Variants in NIN observed in about 807,000 individuals in gnomAD.
NIN encodes glycogen synthase kinase 3 beta-interacting protein.
NIN carries 137 observed loss-of-function variants against 257.6 expected under a neutral mutation model. The ratio of observed to expected loss-of-function variants is 0.53; its 90% CI spans 0.46 to 0.61. The LOEUF (loss-of-function observed/expected upper bound fraction) is 0.61. NIN is among the 20% of genes least tolerant of loss of function. The pLI is 0.00. For synonymous variants in NIN, 918 were observed against 919.8 expected, an observed-to-expected ratio of 1.00 and a Z score of 0.04; for missense variants, 2,439 against 2,501.2, an observed-to-expected ratio of 0.98 and a Z score of 0.53.
In NIN at chr14:50,757,389, C is replaced by T. The variant is rs797045743; in HGVS notation, c.3641G>A (p.Cys1214Tyr). ...QEQLMMLCADCDRASEKKQDL... is the reference protein window; with the variant it reads ...QEQLMMLCADYDRASEKKQDL... ...CTGTTTCTTTTCAGAAGCTCGATCA[C>T]AGTCCGCACATAACATCATTAGCTG... Residue 1214 changes from cysteine to tyrosine, a missense_variant, in exon 18 of 31, where the codon TGT becomes TAT. Around this residue, in one of 3 missense-constraint regions of NIN, gnomAD observed 2,043 missense variants for 2,050.2 expected, o/e 1.00. Coordinates refer to ENST00000530997, the MANE Select transcript of NIN (RefSeq NM_020921.4). The T allele has an allele frequency of 1.9e-6, 3 of 1,614,062 alleles. No homozygotes were observed. The highest frequency in any genetic ancestry group is 1.7e-6 in the Non-Finnish European group (2 of 1,180,032).
At chr14:50,814,422 G>A (rs1318611353) in intron 3 of NIN, among the ~76,000 whole-genome samples, 1 of 152,122 alleles carries the variant, frequency 6.6e-6, no homozygotes, top group Non-Finnish European at 1.5e-5. Context: ...CGGTGTCCTT[G>A]GTGCTATGAT....
intron 18 of NIN, among the ~76,000 whole-genome samples, chr14:50,756,201 GA>G (rs1241661825): frequency 5.3e-5 from 8 of 151,510 alleles, no homozygotes. Flanking sequence ...ATAAGTGCTA[GA>G]AAAAAGTTAA....
intron 5 of NIN, among the ~76,000 whole-genome samples, chr14:50,780,160 T>C (rs1595855259): frequency 6.6e-6 from 1 of 152,220 alleles, no homozygotes; most frequent in Non-Finnish European, 1.5e-5. Flanking sequence ...TTCCAGCAAA[T>C]GGCTTTAGCC....
chr14:50,770,737 G>T, intron 11 of NIN, 115 bp downstream of exon 11: 1 of 1,384,790 alleles, frequency 7.2e-7, no homozygotes, highest in Non-Finnish European at 9.7e-7. Flanking sequence ...GCAAGGTGTG[G>T]CCAACAGGCT....
At position 50,757,297 on chromosome 14, in the gene NIN, A is replaced by T; in HGVS notation, c.3733T>A (p.Ser1245Thr). The stretch of plus-strand genomic sequence containing the variant: ...TCATACAACAGCTTATATTTGGGAG[A>T]AGCCTCAGGGATTCTCTCAAGCATC... The part of the protein sequence containing the change: ...LKMLERIPEA[S>T]PKYKLLYEDV... Residue 1245 changes from serine to threonine, a missense_variant, in exon 18 of 31, where the codon TCT becomes ACT. By Grantham distance (58) the Ser-to-Thr change is moderately conservative. Transcript: ENST00000530997. 1 of 1,614,068 alleles carries T rather than the reference A, an allele frequency of 6.2e-7. No individual in the cohort carries two copies. Among genetic ancestry groups the T allele is most frequent in the Non-Finnish European group, 8.5e-7 (1 of 1,180,010 alleles).
At chr14:50,742,467 C>G (rs2041334234) in intron 24 of NIN, 2 of 151,576 alleles carry the variant, frequency 1.3e-5, no homozygotes, top group South Asian at 4.2e-4. Context: ...GATCTCGGCT[C>G]ACTGCAACCT....
chr14:50,793,192 GTTTATTAAGC>G (rs1335949692), intron 4 of NIN, among the ~76,000 whole-genome samples: 2 of 152,056 alleles, frequency 1.3e-5, no homozygotes, highest in Admixed American at 6.5e-5. Flanking sequence ...CATTTGTTCT[GTTTATTAAGC>G]TGGGTTTTCC....
intron 4 of NIN, 130 bp from the exon 5 acceptor site, chr14:50,793,011 G>T: frequency 1.1e-6 from 1 of 875,184 alleles, no homozygotes; most frequent in South Asian, 1.7e-5. Context: ...CAATTGTGGT[G>T]GCTGTGGGTG....
At chr14:50,828,575 T>G (rs1202549258) in intron 2 of NIN, among the ~76,000 whole-genome samples, 2 of 152,188 alleles carry the variant, frequency 1.3e-5, no homozygotes, top group Non-Finnish European at 2.9e-5. Flanking sequence ...AAAATAAGCC[T>G]TCTAAAAAGG....
chr14:50,785,848 C>T (rs1365174999), intron 5 of NIN, among the ~76,000 whole-genome samples: 2 of 152,176 alleles, frequency 1.3e-5, no homozygotes, highest in African/African-American at 2.4e-5. Flanking sequence ...TCCACTATGC[C>T]ACCTTTGAAG....
At chr14:50,826,522 C>T (rs1030733464) in intron 2 of NIN, among the ~76,000 whole-genome samples, 5 of 152,204 alleles carry the variant, frequency 3.3e-5, no homozygotes, top group Admixed American at 1.3e-4. Context: ...ATTACCCCAG[C>T]TGATGAAATC....
intron 18 of NIN, 88 bp from the exon 19 acceptor site, chr14:50,754,955 G>T: frequency 1.2e-6 from 1 of 826,296 alleles, no homozygotes; most frequent in Non-Finnish European, 1.9e-6. Flanking sequence ...AAAAGGATGA[G>T]TATTCAATGC....
chr14:50,805,478 C>T (rs552885251), intron 4 of NIN, among the ~76,000 whole-genome samples: 2 of 152,154 alleles, frequency 1.3e-5, no homozygotes, highest in Non-Finnish European at 2.9e-5. Context: ...TCACCATCCC[C>T]GAAAAAGGCG....
In NIN at chr14:50,815,549, CA is replaced by C. The variant is rs377504679; in HGVS notation, c.183+6324del. Among the ~76,000 whole-genome samples the C allele has an allele frequency of 4.3e-4, 65 of 152,076 alleles. No homozygotes were observed. In the East Asian group the frequency reaches 6.2e-3, roughly 14 times the overall value. On this transcript the variant is annotated intron_variant, in intron 3 of 30. Transcript: ENST00000530997. ...GGAATCCCATTACTAAGTATATACC[CA>C]AAGGAATATAAGTCATTATATTATG... is the stretch of plus-strand genomic sequence containing the variant.
intron 3 of NIN, among the ~76,000 whole-genome samples, chr14:50,815,343 C>T (rs934539901): frequency 6.6e-6 from 1 of 152,170 alleles, no homozygotes; most frequent in South Asian, 2.1e-4. Context: ...CAATGAGATG[C>T]CACCTCATGC....
intron 7 of NIN, 37 bp downstream of exon 7, chr14:50,776,912 C>G: frequency 6.4e-7 from 1 of 1,561,510 alleles, no homozygotes; most frequent in Non-Finnish European, 8.7e-7. Context: ...ACACTTTTAC[C>G]ATCATTATCA....
Position 50,757,051 on chromosome 14 carries a change from T to G in NIN, c.3979A>C (p.Arg1327=), listed in dbSNP as rs1595784922. The G allele has an allele frequency of 6.2e-7, 1 of 1,613,764 alleles. No individual in the cohort carries two copies. Among genetic ancestry groups the G allele is most frequent in the Non-Finnish European group, 8.5e-7 (1 of 1,179,884 alleles). Reference sequence around the variant, plus strand: ...AGCTTCTCAATCTTGCCTTGAAGTCTCAAAACCAGAACATTCAGCCCCTCA... The same window carrying G: ...AGCTTCTCAATCTTGCCTTGAAGTCGCAAAACCAGAACATTCAGCCCCTCA... ...ENEGLNVLVL[R]LQGKIEKLQE... is the part of the protein sequence containing the mutation. The change falls in exon 18 of 31, where the codon AGA becomes CGA. Residue 1327 remains arginine (R), a synonymous_variant. Transcript: ENST00000530997.
intron 17 of NIN, among the ~76,000 whole-genome samples, chr14:50,759,209 C>A (rs1595793035): frequency 6.6e-6 from 1 of 152,196 alleles, no homozygotes; most frequent in South Asian, 2.1e-4. Context: ...TGCCTGGAAT[C>A]CAGTTTATTA....
Position 50,761,814 on chromosome 14 carries a change from G to A in NIN, c.1872C>T (p.Cys624=). ...MKEQHHRDIC[C]LRLELEDKVR... Reference sequence around the variant, plus strand: ...CTTTATCTTCGAGCTCCAGTCTGAGGCAACATATGTCCCTGTGATGTTGTT... The same window carrying A: ...CTTTATCTTCGAGCTCCAGTCTGAGACAACATATGTCCCTGTGATGTTGTT... The change falls in exon 16 of 31, where the codon TGC becomes TGT. Residue 624 remains cysteine (C), a synonymous_variant. Coordinates refer to ENST00000530997, the MANE Select transcript of NIN (RefSeq NM_020921.4). 3 of 1,614,100 alleles carry A rather than the reference G, an allele frequency of 1.9e-6. No individual in the cohort carries two copies. The highest frequency in any genetic ancestry group is 2.5e-6 in the Non-Finnish European group (3 of 1,179,974).
Sources: allele counts gnomAD v4.1 joint callset (sites outside exome capture counted in the v4.1 genomes callset), GRCh38; gene constraint gnomAD v4.1.1; regional missense constraint gnomAD v4.1.1; transcripts MANE v1.5; gene names NCBI Gene and HGNC (gene_info 2026-07-23, HGNC 2026-07-21).